Variants in PAK1 observed in about 807,000 individuals in gnomAD.
PAK1 encodes the protein serine/threonine-protein kinase PAK 1.
A neutral mutation model predicts 67.4 loss-of-function variants in PAK1; 29 were observed. The ratio of observed to expected loss-of-function variants is 0.43; its 90% CI spans 0.32 to 0.59. The LOEUF (loss-of-function observed/expected upper bound fraction) is 0.59, where lower values mean the gene tolerates loss of function less well. Ranked by LOEUF, PAK1 falls within the 20% of genes least tolerant of loss-of-function variation. PAK1 has a pLI of 0.07. For synonymous variants in PAK1, 223 were observed against 237.4 expected (o/e 0.94, Z 0.56); for missense variants, 337 against 670.7 (o/e 0.50, Z 5.50).
chr11:77,411,710 A>C (rs897770775), intron 1 of PAK1: 11 of 152,288 alleles, frequency 7.2e-5, no homozygotes, highest in African/African-American at 2.7e-4. Context: ...CACTCTCCGA[A>C]AGCCGGCGGA....
chr11:77,471,348 C>T (rs1957844469), intron 1 of PAK1, among the ~76,000 whole-genome samples: 1 of 152,058 alleles, frequency 6.6e-6, no homozygotes, highest in African/African-American at 2.4e-5. Context: ...ATTTAAAGGG[C>T]TTATTAAAGA....
intron 1 of PAK1, among the ~76,000 whole-genome samples, chr11:77,402,646 C>A (rs1478532029): frequency 6.6e-6 from 1 of 152,156 alleles, no homozygotes; most frequent in Non-Finnish European, 1.5e-5. Context: ...CCACTTCGTT[C>A]AACCTCCCAG....
At position 77,323,073 on chromosome 11, in the gene PAK1, G is replaced by T; in HGVS notation, c.*201C>A. The T allele has an allele frequency of 1.1e-6, 1 of 904,904 alleles. No individual in the cohort carries two copies. Among genetic ancestry groups the T allele is most frequent in the Non-Finnish European group, 1.8e-6 (1 of 569,156 alleles). 56.1% of individuals were successfully genotyped at this position (904,904 alleles called of 1,614,324 possible). On this transcript the variant is annotated 3_prime_UTR_variant, in exon 15 of 15. Transcript: ENST00000356341. ...GGAGGAAATTCCTTATTTAGAAATG[G>T]CCATCATCTGATTAGTCATTCAGTT... is the stretch of plus-strand genomic sequence containing the variant.
At chr11:77,417,090 C>T (rs1162628560) in intron 1 of PAK1, among the ~76,000 whole-genome samples, 1 of 152,102 alleles carries the variant, frequency 6.6e-6, no homozygotes, top group Non-Finnish European at 1.5e-5. Flanking sequence ...ATATATGTGG[C>T]TCATCACTGA....
At position 77,322,920 on chromosome 11, in the gene PAK1, AT is replaced by A; in HGVS notation, c.*353del. On this transcript the variant is annotated 3_prime_UTR_variant, in exon 15 of 15. Transcript: ENST00000356341. ...AATTGATAATATTATCAAACCATAA[AT>A]TTATATAGTCAAGAATTAATTGTGG... 8.8e-6 allele frequency: 5 copies of A among 570,332 alleles called. No individual in the cohort carries two copies. Among genetic ancestry groups the A allele is most frequent in the Non-Finnish European group, 1.5e-5 (5 of 323,578 alleles). The allele number at this position is 570,332 out of a possible 1,614,324, so 35.3% of individuals were successfully genotyped here.
chr11:77,412,232 T>C (rs1406810525), intron 1 of PAK1, among the ~76,000 whole-genome samples: 1 of 152,090 alleles, frequency 6.6e-6, no homozygotes, highest in East Asian at 1.9e-4. Context: ...TGTGCCTTAG[T>C]TTCTACAGAT....
intron 1 of PAK1, among the ~76,000 whole-genome samples, chr11:77,416,762 G>A (rs1003715245): frequency 8.5e-5 from 13 of 152,112 alleles, no homozygotes; most frequent in Non-Finnish European, 2.9e-5. Flanking sequence ...GACCATCCTG[G>A]CTAACACAGT....
intron 9 of PAK1, among the ~76,000 whole-genome samples, chr11:77,345,267 A>G (rs896110152): frequency 2.0e-5 from 3 of 152,158 alleles, no homozygotes; most frequent in Non-Finnish European, 2.9e-5. Context: ...GGTGCTCAAC[A>G]AATGTCTGTA....
chr11:77,339,662 A>G (rs1481284555), intron 11 of PAK1, among the ~76,000 whole-genome samples: 1 of 152,100 alleles, frequency 6.6e-6, no homozygotes, highest in East Asian at 1.9e-4. Flanking sequence ...TAAATATATA[A>G]CTACATAATT....
intron 1 of PAK1, among the ~76,000 whole-genome samples, chr11:77,418,466 A>T (rs1219310660): frequency 6.6e-6 from 1 of 152,244 alleles, no homozygotes; most frequent in Non-Finnish European, 1.5e-5. Flanking sequence ...GTCTGAAGTT[A>T]CATTAGATTT....
chr11:77,435,767 C>CA (rs1372071876), intron 1 of PAK1, among the ~76,000 whole-genome samples: 1 of 151,606 alleles, frequency 6.6e-6, no homozygotes, highest in East Asian at 1.9e-4. Context: ...CTCGGCCTCC[C>CA]AAAGTGCTGG....
At chr11:77,512,208 AG>A in the PAK1 span, among the ~76,000 whole-genome samples, 1 of 152,194 alleles carries the variant, frequency 6.6e-6, no homozygotes, top group Non-Finnish European at 1.5e-5. Context: ...AGCAACATGA[AG>A]GACAGCTGGT....
At chr11:77,326,121 TACAATA>T (rs1939771848) in intron 14 of PAK1, among the ~76,000 whole-genome samples, 1 of 152,168 alleles carries the variant, frequency 6.6e-6, no homozygotes, top group Non-Finnish European at 1.5e-5. Context: ...TAGTGGGCAA[TACAATA>T]AAAGAACACT....
chr11:77,455,587 T>C (rs1314700204), intron 1 of PAK1, among the ~76,000 whole-genome samples: 3 of 152,218 alleles, frequency 2.0e-5, no homozygotes, highest in African/African-American at 7.2e-5. Flanking sequence ...GCCGGGTCCA[T>C]TTCTTTAACT....
At chr11:77,345,158 A>T (rs1944216246) in intron 9 of PAK1, among the ~76,000 whole-genome samples, 1 of 152,128 alleles carries the variant, frequency 6.6e-6, no homozygotes, top group African/African-American at 2.4e-5. Context: ...TATCATGTAT[A>T]ATGATTAGTG....
At position 77,352,835 on chromosome 11, in the gene PAK1, G is replaced by A. The variant is rs1196428951; in HGVS notation, c.836+701C>T. Among the ~76,000 whole-genome samples the A allele has an allele frequency of 2.6e-5, 4 of 152,164 alleles. No homozygotes were observed. In the East Asian group the frequency reaches 7.7e-4, roughly 29 times the overall value. On this transcript the variant is annotated intron_variant, in intron 8 of 14. Coordinates refer to ENST00000356341, the MANE Select transcript of PAK1 (RefSeq NM_002576.5). Reference sequence around the variant, plus strand: ...CAAGAGGCTATACCATATAGCCTAGGTGTGTAGTAGGCTATACTATTTAGT... The same window carrying A: ...CAAGAGGCTATACCATATAGCCTAGATGTGTAGTAGGCTATACTATTTAGT...
At position 77,343,802 on chromosome 11, in the gene PAK1, G is replaced by C. The variant is rs746987456; in HGVS notation, c.998+17C>G. ...CCCAAAGGCCCTTTCCCTCTGATGG[G>C]ACCCACCACTCCATACCTGTCCAAG... On this transcript the variant is annotated intron_variant, in intron 10 of 14. Transcript: ENST00000356341. 19 of 1,456,884 alleles carry C rather than the reference G, an allele frequency of 1.3e-5. No individual in the cohort carries two copies. Among genetic ancestry groups the C allele is most frequent in the Non-Finnish European group, 1.8e-5 (19 of 1,036,692 alleles). The allele number at this position is 1,456,884 out of a possible 1,614,324, so 90.2% of individuals were successfully genotyped here.
the PAK1 span, among the ~76,000 whole-genome samples, chr11:77,524,289 C>T: frequency 6.6e-6 from 1 of 152,168 alleles, no homozygotes. Context: ...ATCTCCTGCC[C>T]ATCCCAACAT....
At chr11:77,513,664 C>G in the PAK1 span, among the ~76,000 whole-genome samples, 2 of 81,884 alleles carry the variant, frequency 2.4e-5, no homozygotes, top group African/African-American at 1.1e-4. Context: ...AAGTGAGACT[C>G]TGTCTCAAAA....
Sources: gnomAD v4.1 joint callset for allele counts (sites outside exome capture counted in the v4.1 genomes callset) on GRCh38, gnomAD v4.1.1 for gene constraint, MANE v1.5 for transcripts, NCBI Gene and HGNC (gene_info 2026-07-23, HGNC 2026-07-21) for gene names.